CNTNAP5: variants seen among roughly 807,000 people sequenced by gnomAD.
CNTNAP5 encodes contactin associated protein family member 5, also known as contactin-associated protein-like 5.
Under a neutral mutation model 150.2 loss-of-function variants are expected in CNTNAP5, and 72 were observed. The observed-to-expected ratio is 0.48, with a 90% CI of 0.40 to 0.58. The LOEUF (loss-of-function observed/expected upper bound fraction) is 0.58. CNTNAP5 is among the 20% of genes least tolerant of loss of function. The pLI is 0.00. For synonymous variants in CNTNAP5, 672 were observed against 619.8 expected (o/e 1.08, Z -1.25); for missense variants, 1,636 against 1,626.2 (o/e 1.01, Z -0.10).
chr2:124,263,063 G>T (rs188142644), intron 3 of CNTNAP5, among the ~76,000 whole-genome samples: 1 of 152,192 alleles, frequency 6.6e-6, no homozygotes, highest in Non-Finnish European at 1.5e-5. Context: ...TGGACATCTG[G>T]ATTGGTTCCA....
At chr2:124,550,947 A>T (rs1173321849) in intron 10 of CNTNAP5, among the ~76,000 whole-genome samples, 1 of 152,136 alleles carries the variant, frequency 6.6e-6, no homozygotes, top group Non-Finnish European at 1.5e-5. Flanking sequence ...AGTATGCATG[A>T]TGCTGATACA....
intron 13 of CNTNAP5, among the ~76,000 whole-genome samples, chr2:124,678,328 A>T (rs1419792488): frequency 2.0e-5 from 3 of 151,758 alleles, no homozygotes; most frequent in African/African-American, 4.8e-5. Context: ...TGACAATTTA[A>T]CCACAGAATG....
At chr2:124,688,729 A>G (rs1342329178) in intron 13 of CNTNAP5, among the ~76,000 whole-genome samples, 1 of 152,098 alleles carries the variant, frequency 6.6e-6, no homozygotes, top group Non-Finnish European at 1.5e-5. Context: ...TGGACCTTTT[A>G]AGCAATAATG....
chr2:124,674,511 CTTTCTTT>C, intron 13 of CNTNAP5, among the ~76,000 whole-genome samples: 3 of 83,798 alleles, frequency 3.6e-5, no homozygotes, highest in Non-Finnish European at 7.8e-5. Context: ...CTTTCTTTCT[CTTTCTTT>C]CTTTCTTTCT....
intron 1 of CNTNAP5, among the ~76,000 whole-genome samples, chr2:124,193,432 T>G (rs534213546): frequency 1.3e-5 from 2 of 152,318 alleles, no homozygotes; most frequent in East Asian, 3.9e-4. Flanking sequence ...CATTGATATA[T>G]CCCAAGCATC....
At chr2:124,106,615 C>G (rs763221239) in intron 1 of CNTNAP5, among the ~76,000 whole-genome samples, 1 of 152,156 alleles carries the variant, frequency 6.6e-6, no homozygotes, top group Non-Finnish European at 1.5e-5. Flanking sequence ...CATTCTTTTC[C>G]GAATGCAGCT....
chr2:124,919,569 A>G lies in CNTNAP5; in HGVS notation c.*5281A>G, dbSNP rs1483167139. Among the ~76,000 whole-genome samples the G allele has an allele frequency of 6.6e-6, 1 of 152,076 alleles. No individual in the cohort carries two copies. The highest frequency in any genetic ancestry group is 2.4e-5 in the African/African-American group (1 of 41,436). On this transcript the variant is annotated 3_prime_UTR_variant, in exon 24 of 24. Coordinates refer to ENST00000682447, the MANE Select transcript of CNTNAP5 (RefSeq NM_001367498.1). Reference sequence around the variant, plus strand: ...GGTGAGGAAGGAAATTGCTTCCACCATGAATCAGTGGTGGCAGCCTTTCCA... The same window carrying G: ...GGTGAGGAAGGAAATTGCTTCCACCGTGAATCAGTGGTGGCAGCCTTTCCA...
chr2:124,058,274 A>G (rs1470850870), intron 1 of CNTNAP5, among the ~76,000 whole-genome samples: 2 of 152,190 alleles, frequency 1.3e-5, no homozygotes, highest in East Asian at 1.9e-4. Flanking sequence ...AAGGTTTTGC[A>G]TAATCCAGCT....
chr2:124,282,863 A>T (rs1688047886), intron 3 of CNTNAP5, among the ~76,000 whole-genome samples: 1 of 152,164 alleles, frequency 6.6e-6, no homozygotes, highest in Non-Finnish European at 1.5e-5. Flanking sequence ...AGTTTCTATT[A>T]TATATGAAAT....
chr2:124,804,752 GTTGTCTGAGTCACTCAC>G (rs1174720986), intron 19 of CNTNAP5, among the ~76,000 whole-genome samples: 8 of 152,052 alleles, frequency 5.3e-5, no homozygotes, highest in African/African-American at 1.9e-4. Context: ...AATAAATTGT[GTTGTCTGAGTCACTCAC>G]TCAGTCTATG....
chr2:124,176,428 T>C (rs1228526017), intron 1 of CNTNAP5, among the ~76,000 whole-genome samples: 3 of 152,126 alleles, frequency 2.0e-5, no homozygotes, highest in Non-Finnish European at 2.9e-5. Context: ...AAGCACTCAA[T>C]TGGATAGTAT....
At chr2:124,530,627 T>C (rs1695082491) in intron 10 of CNTNAP5, among the ~76,000 whole-genome samples, 1 of 152,188 alleles carries the variant, frequency 6.6e-6, no homozygotes, top group African/African-American at 2.4e-5. Flanking sequence ...GAACTGGCCT[T>C]GCGCACGGCT....
chr2:124,697,051 T>G (rs913114166), intron 13 of CNTNAP5, among the ~76,000 whole-genome samples: 2 of 152,156 alleles, frequency 1.3e-5, no homozygotes, highest in Admixed American at 6.6e-5. Flanking sequence ...TGGATCCACT[T>G]AATAATAAAT....
chr2:124,734,460 T>C (rs1446285089), intron 13 of CNTNAP5, among the ~76,000 whole-genome samples: 1 of 152,020 alleles, frequency 6.6e-6, no homozygotes, highest in African/African-American at 2.4e-5. Flanking sequence ...CAGAGTTTGC[T>C]GCAGAAATGA....
rs190689294 is a variant in CNTNAP5 at position 124,684,230 on chromosome 2, G to A, written c.2077+36272G>A. Among the ~76,000 whole-genome samples the A allele has an allele frequency of 3.2e-3, 486 of 152,210 alleles. 3 individuals carry two copies. Among genetic ancestry groups the A allele is most frequent in the Middle Eastern group, 0.017 (5 of 294 alleles). The stretch of plus-strand genomic sequence containing the variant: ...TTGCAGCTGCTTAAACAAAGCCAGC[G>A]GAGTGCTGTTAACATGCAGTCCTGT... On this transcript the variant is annotated intron_variant, in intron 13 of 23. Coordinates refer to ENST00000682447, the MANE Select transcript of CNTNAP5 (RefSeq NM_001367498.1).
At position 124,919,891 on chromosome 2, in the gene CNTNAP5, A is replaced by G. The variant is rs1202761125; in HGVS notation, c.*5603A>G. Among the ~76,000 whole-genome samples the G allele has an allele frequency of 6.6e-6, 1 of 151,986 alleles. No homozygotes were observed. The highest frequency in any genetic ancestry group is 1.5e-5 in the Non-Finnish European group (1 of 67,978). On this transcript the variant is annotated 3_prime_UTR_variant, in exon 24 of 24. Coordinates refer to ENST00000682447, the MANE Select transcript of CNTNAP5 (RefSeq NM_001367498.1). ...ACTGTCAGAAAACTGCCCTAGGTCT[A>G]TTATCAATCAGAGCCCCTGTGAGTG...
intron 2 of CNTNAP5, among the ~76,000 whole-genome samples, chr2:124,224,132 GA>G (rs1180266296): frequency 2.0e-5 from 3 of 151,786 alleles, no homozygotes; most frequent in African/African-American, 7.3e-5. Flanking sequence ...CCCAAGCAAG[GA>G]TATTGATAAA....
chr2:124,706,413 A>G (rs1166336072), intron 13 of CNTNAP5, among the ~76,000 whole-genome samples: 1 of 152,042 alleles, frequency 6.6e-6, no homozygotes, highest in Non-Finnish European at 1.5e-5. Flanking sequence ...AACATTTCTT[A>G]TTAGTTCATT....
At chr2:124,434,712 T>A in intron 5 of CNTNAP5, 25 bp downstream of exon 5, 2 of 1,573,144 alleles carry the variant, frequency 1.3e-6, no homozygotes, top group South Asian at 1.1e-5. Context: ...CCTCTTCCAA[T>A]GCCAAGGGAT....
Sources: gnomAD v4.1 joint callset for allele counts (sites outside exome capture counted in the v4.1 genomes callset) on GRCh38, gnomAD v4.1.1 for gene constraint, MANE v1.5 for transcripts, NCBI Gene and HGNC (gene_info 2026-07-23, HGNC 2026-07-21) for gene names.